Variants in BORCS5 observed in about 807,000 individuals in gnomAD.
The protein encoded by BORCS5 is BLOC-1 related complex subunit 5, also known as BLOC-1-related complex subunit 5.
Under a neutral mutation model 22.1 loss-of-function variants are expected in BORCS5, and 17 were observed. The ratio of observed to expected loss-of-function variants is 0.77; its 90% CI spans 0.53 to 1.15. The LOEUF is 1.15. BORCS5 is among the 50% of genes most tolerant of loss of function. BORCS5 has a pLI of 0.00. For synonymous variants in BORCS5, 117 were observed against 99.8 expected (o/e 1.17, Z -1.03); for missense variants, 247 against 253.2 (o/e 0.98, Z 0.17).
chr12:12,422,287 ATTTT>A (rs71061064), intron 2 of BORCS5, among the ~76,000 whole-genome samples: 1 of 147,858 alleles, frequency 6.8e-6, no homozygotes, highest in Non-Finnish European at 1.5e-5. Context: ...CTTTTCTTTT[ATTTT>A]TTTTTTTAAG....
intron 2 of BORCS5, among the ~76,000 whole-genome samples, chr12:12,402,506 T>C (rs1361940754): frequency 1.3e-5 from 2 of 152,234 alleles, no homozygotes; most frequent in Non-Finnish European, 2.9e-5. Flanking sequence ...TCAAGAGTTT[T>C]ATCCAATATT....
chr12:12,437,666 C>T (rs1298637367), intron 3 of BORCS5, among the ~76,000 whole-genome samples: 1 of 152,154 alleles, frequency 6.6e-6, no homozygotes, highest in East Asian at 1.9e-4. Flanking sequence ...CTTAGTTGAC[C>T]TCAGAACACT....
rs898097404 is a variant in BORCS5 at position 12,359,319 on chromosome 12, C to T, written c.58+1810C>T. Among the ~76,000 whole-genome samples, 26 of 151,318 alleles carry T rather than the reference C, an allele frequency of 1.7e-4. 1 individual carries two copies. The highest frequency in any genetic ancestry group is 1.4e-3 in the Admixed American group (21 of 15,212). ...GGCCCAGGTGGGAGGATTGCTGGAG[C>T]CCAGGAGTTTAAATCCAGCCTGGGC... is the stretch of plus-strand genomic sequence containing the variant. On this transcript the variant is annotated intron_variant, in intron 1 of 3. Transcript: ENST00000314565.
At chr12:12,417,761 A>G (rs538820636) in intron 2 of BORCS5, among the ~76,000 whole-genome samples, 1 of 151,826 alleles carries the variant, frequency 6.6e-6, no homozygotes, top group African/African-American at 2.4e-5. Flanking sequence ...TTGATCCTCC[A>G]TCTCAGCCTC....
In BORCS5 at chr12:12,467,506, TAAAGTAGAAGTTAGAC is replaced by T. The variant is rs1198273943; in HGVS notation, c.*1734_*1749del. The T allele has an allele frequency of 6.6e-6, 1 of 152,296 alleles. No individual in the cohort carries two copies. The highest frequency in any genetic ancestry group is 1.5e-5 in the Non-Finnish European group (1 of 68,098). The allele number at this position is 152,296 out of a possible 1,614,324, so 9.4% of individuals were successfully genotyped here. On this transcript the variant is annotated 3_prime_UTR_variant, in exon 4 of 4. Coordinates refer to ENST00000314565, the MANE Select transcript of BORCS5 (RefSeq NM_058169.6). ...CTCTCCAGCCAACTGTGTCTACTTCTAAAGTAGAAGTTAGACAAAACATGGGGTTCACTTAGACTGG... is the reference window on the plus strand; with the variant it reads ...CTCTCCAGCCAACTGTGTCTACTTCTAAAACATGGGGTTCACTTAGACTGG...
chr12:12,426,030 A>T (rs574221714), intron 2 of BORCS5, among the ~76,000 whole-genome samples: 1 of 152,342 alleles, frequency 6.6e-6, no homozygotes, highest in South Asian at 2.1e-4. Flanking sequence ...ACACTTACAG[A>T]TGAAGGATTT....
chr12:12,453,818 C>T (rs544888426), intron 3 of BORCS5, among the ~76,000 whole-genome samples: 1 of 152,268 alleles, frequency 6.6e-6, no homozygotes, highest in Non-Finnish European at 1.5e-5. Context: ...ACTCTATGTA[C>T]ATCAGCAGTC....
rs908629819 is a variant in BORCS5 at position 12,435,871 on chromosome 12, T to A, written c.360+86T>A. 5.1e-6 allele frequency: 7 copies of A among 1,364,432 alleles called. No homozygotes were observed. In the African/African-American group the frequency reaches 1.0e-4, roughly 20 times the overall value. 84.5% of individuals were successfully genotyped at this position (1,364,432 alleles called of 1,614,324 possible). A position where few individuals can be genotyped will look rare whatever the true frequency, so the allele number is the denominator to read the frequency against. ...ATGCCATCTTAAGACTTGACATTTG[T>A]CACTATTGCTTTGAGGAGATTGCTT... is the stretch of plus-strand genomic sequence containing the variant. On this transcript the variant is annotated intron_variant, in intron 3 of 3. Transcript: ENST00000314565.
At chr12:12,362,013 C>T (rs1045929813) in intron 2 of BORCS5, among the ~76,000 whole-genome samples, 14 of 152,134 alleles carry the variant, frequency 9.2e-5, no homozygotes, top group Non-Finnish European at 2.9e-5. Context: ...CTGTAAGAGT[C>T]CTTCAGTTCT....
At chr12:12,459,192 G>A (rs575226933) in intron 3 of BORCS5, among the ~76,000 whole-genome samples, 11 of 151,250 alleles carry the variant, frequency 7.3e-5, no homozygotes, top group Admixed American at 3.9e-4. Flanking sequence ...CACCGCACCC[G>A]GCCTTAATGG....
At chr12:12,377,651 A>C (rs1285329692) in intron 2 of BORCS5, among the ~76,000 whole-genome samples, 1 of 152,134 alleles carries the variant, frequency 6.6e-6, no homozygotes, top group East Asian at 1.9e-4. Flanking sequence ...TTTGGGAGAT[A>C]ATACATGCCC....
At position 12,425,164 on chromosome 12, in the gene BORCS5, C is replaced by G. The variant is rs545999727; in HGVS notation, c.203-10464C>G. Among the ~76,000 whole-genome samples, 6 of 152,326 alleles carry G rather than the reference C, an allele frequency of 3.9e-5. No homozygotes were observed. The South Asian group carries it at 8.3e-4, about 21-fold the overall frequency. On this transcript the variant is annotated intron_variant, in intron 2 of 3. Coordinates refer to ENST00000314565, the MANE Select transcript of BORCS5 (RefSeq NM_058169.6). ...ACTCCAGGAATAAGTGCGTAGCTGC[C>G]TGCAGTGGGGATGGGAGCTTTGAGA...
At chr12:12,417,752 T>G (rs1216427852) in intron 2 of BORCS5, among the ~76,000 whole-genome samples, 1 of 152,078 alleles carries the variant, frequency 6.6e-6, no homozygotes, top group Non-Finnish European at 1.5e-5. Flanking sequence ...GCCTCCTCAT[T>G]GATCCTCCAT....
chr12:12,426,211 A>G (rs1653329858), intron 2 of BORCS5, among the ~76,000 whole-genome samples: 1 of 152,130 alleles, frequency 6.6e-6, no homozygotes, highest in East Asian at 1.9e-4. Flanking sequence ...GAACCTGGAA[A>G]TTGTTTAGGG....
intron 2 of BORCS5, among the ~76,000 whole-genome samples, chr12:12,409,402 T>A (rs1196049727): frequency 1.4e-5 from 2 of 141,992 alleles, no homozygotes; most frequent in African/African-American, 5.7e-5. Context: ...CCCCGGTGTG[T>A]GATGTTTCCC....
intron 2 of BORCS5, among the ~76,000 whole-genome samples, chr12:12,429,299 T>C (rs1006523925): frequency 1.3e-5 from 2 of 152,166 alleles, no homozygotes; most frequent in Non-Finnish European, 2.9e-5. Flanking sequence ...GGGAGATGGT[T>C]TCCTGGCACA....
Position 12,465,721 on chromosome 12 carries a change from A to G in BORCS5, c.536A>G (p.Glu179Gly). The stretch of plus-strand genomic sequence containing the variant: ...GACAGGCTCAACAGCATGCTGCCCG[A>G]GGGCGAGCGGCTGGAGCCCTTCAGC... ...LLDRLNSMLP[E>G]GERLEPFSMK... is the part of the protein sequence containing the mutation. The change falls in exon 4 of 4, where the codon GAG becomes GGG. Residue 179 changes from glutamate (E) to glycine (G), a missense_variant. Transcript: ENST00000314565. 6.2e-7 allele frequency: 1 copy of G among 1,614,136 alleles called. No individual in the cohort carries two copies.
intron 2 of BORCS5, among the ~76,000 whole-genome samples, chr12:12,430,859 A>C (rs1189514843): frequency 6.6e-6 from 1 of 152,128 alleles, no homozygotes; most frequent in African/African-American, 2.4e-5. Context: ...ACCTTTTAAA[A>C]ATTTTATCTT....
At chr12:12,402,659 G>C (rs896585311) in intron 2 of BORCS5, among the ~76,000 whole-genome samples, 6 of 152,154 alleles carry the variant, frequency 3.9e-5, no homozygotes, top group African/African-American at 1.4e-4. Context: ...GAACATCTTT[G>C]AGTAGTTGAG....
Sources: gnomAD v4.1 joint callset for allele counts (sites outside exome capture counted in the v4.1 genomes callset) on GRCh38, gnomAD v4.1.1 for gene constraint, MANE v1.5 for transcripts, NCBI Gene and HGNC (gene_info 2026-07-23, HGNC 2026-07-21) for gene names.